Variants in WARS1 observed in about 807,000 individuals in gnomAD.
The protein encoded by WARS1 is tryptophan--tRNA ligase, cytoplasmic.
WARS1 carries 17 observed loss-of-function variants against 47.8 expected under a neutral mutation model. The ratio of observed to expected loss-of-function variants is 0.36; its 90% CI spans 0.24 to 0.53. The LOEUF is 0.53. WARS1 is among the 20% of genes least tolerant of loss of function. The pLI, the probability that WARS1 is intolerant of heterozygous loss-of-function variation, is 0.91. For synonymous variants in WARS1, 208 were observed against 228.1 expected, an observed-to-expected ratio of 0.91 and a Z score of 0.79; for missense variants, 434 against 608.0, an observed-to-expected ratio of 0.71 and a Z score of 3.01.
chr14:100,342,564 T>C lies in WARS1; in HGVS notation c.947A>G (p.Tyr316Cys). The C allele has an allele frequency of 6.2e-7, 1 of 1,610,582 alleles. No homozygotes were observed. The highest frequency in any genetic ancestry group is 8.5e-7 in the Non-Finnish European group (1 of 1,178,490). Residue 316 changes from tyrosine to cysteine, a missense_variant, in exon 9 of 11, where the codon TAC becomes TGC. This residue lies in a region of WARS1 where 347 missense variants were observed against 523.8 expected (regional missense o/e 0.66). Coordinates refer to ENST00000392882, the MANE Select transcript of WARS1 (RefSeq NM_004184.4). ...LIPCAIDQDP[Y>C]FRMTRDVAPR... ...GGCGACGTCCCTTGTCATTCTAAAG[T>C]AAGGATCCTGTGGGGAGAGTAAGGA... is the stretch of plus-strand genomic sequence containing the variant.
chr14:100,338,182 C>T (rs1263261290), intron 9 of WARS1, among the ~76,000 whole-genome samples: 4 of 152,106 alleles, frequency 2.6e-5, no homozygotes, highest in Non-Finnish European at 5.9e-5. Context: ...AAGATAATCA[C>T]GGGGTAATTA....
intron 6 of WARS1, among the ~76,000 whole-genome samples, chr14:100,347,868 C>T (rs1023410065): frequency 3.3e-5 from 5 of 152,190 alleles, no homozygotes; most frequent in Non-Finnish European, 7.3e-5. Flanking sequence ...TGAGCCACCG[C>T]GCCCAGCCAA....
At chr14:100,347,592 T>A (rs1444356456) in intron 6 of WARS1, among the ~76,000 whole-genome samples, 1 of 152,068 alleles carries the variant, frequency 6.6e-6, no homozygotes, top group Non-Finnish European at 1.5e-5. Flanking sequence ...TTTTTTTTGT[T>A]TTGAGACAGA....
chr14:100,372,004 T>C (rs746169937), intron 1 of WARS1, among the ~76,000 whole-genome samples: 1 of 152,186 alleles, frequency 6.6e-6, no homozygotes, highest in Non-Finnish European at 1.5e-5. Flanking sequence ...GACATTCCCT[T>C]GTGAAATTCC....
At chr14:100,347,479 G>T (rs1032483660) in intron 6 of WARS1, among the ~76,000 whole-genome samples, 5 of 152,234 alleles carry the variant, frequency 3.3e-5, no homozygotes, top group Non-Finnish European at 7.3e-5. Context: ...GTGGGTACCA[G>T]GCCTGAATGT....
chr14:100,357,207 C>T (rs1162146754), intron 4 of WARS1, among the ~76,000 whole-genome samples: 3 of 152,018 alleles, frequency 2.0e-5, no homozygotes, highest in Non-Finnish European at 4.4e-5. Context: ...AAGTTTTTCC[C>T]CTAAGATCAG....
intron 4 of WARS1, 59 bp downstream of exon 4, chr14:100,360,495 A>AT (rs1895594329): frequency 5.7e-6 from 8 of 1,402,338 alleles, no homozygotes; most frequent in African/African-American, 1.4e-5. Context: ...GTGTCTTACG[A>AT]TTTTTTTGAA....
At position 100,334,762 on chromosome 14, in the gene WARS1, C is replaced by T; in HGVS notation, c.*113G>A. On this transcript the variant is annotated 3_prime_UTR_variant, in exon 11 of 11. Transcript: ENST00000392882. ...CATACACAGGCTTACAGAGGCCAGG[C>T]CCAGTAATTACCATGAGACAGAAGC... is the stretch of plus-strand genomic sequence containing the variant. 1 of 1,288,548 alleles carries T rather than the reference C, an allele frequency of 7.8e-7. No homozygotes were observed. Among genetic ancestry groups the T allele is most frequent in the Non-Finnish European group, 1.1e-6 (1 of 923,250 alleles). The allele number at this position is 1,288,548 out of a possible 1,614,324, so 79.8% of individuals were successfully genotyped here.
At chr14:100,363,547 A>C (rs1895779097) in intron 2 of WARS1, among the ~76,000 whole-genome samples, 1 of 152,066 alleles carries the variant, frequency 6.6e-6, no homozygotes, top group South Asian at 2.1e-4. Flanking sequence ...AATAGAAAAA[A>C]TTAGCCAGGT....
chr14:100,341,303 G>A (rs1260112312), intron 9 of WARS1, among the ~76,000 whole-genome samples: 1 of 152,186 alleles, frequency 6.6e-6, no homozygotes, highest in Admixed American at 6.5e-5. Context: ...TCTGCACCCT[G>A]TGCTCCGGAA....
intron 6 of WARS1, 99 bp from the exon 7 acceptor site, chr14:100,346,945 G>T: frequency 9.7e-7 from 1 of 1,034,942 alleles, no homozygotes; most frequent in Non-Finnish European, 1.5e-6. Context: ...TAGTGGCATG[G>T]GCCAGACTCG....
At chr14:100,360,468 G>A in intron 4 of WARS1, 86 bp downstream of exon 4, 2 of 1,019,436 alleles carry the variant, frequency 2.0e-6, no homozygotes, top group Admixed American at 4.2e-5. Context: ...CACAGTACCA[G>A]GTGGCTTATG....
rs1304388974 is a variant in WARS1, at chr14:100,353,881, CAG to C, written c.543-14_543-13del. Reference sequence around the variant, plus strand: ...CATCCTGGAGCCACCTAAAGAAACACAGGGGGAGAAAGCTGACGTCTCATCTC... The same window carrying C: ...CATCCTGGAGCCACCTAAAGAAACACGGGGAGAAAGCTGACGTCTCATCTC... On this transcript the variant is annotated splice_polypyrimidine_tract_variant and intron_variant, in intron 5 of 10. Transcript: ENST00000392882. 5 of 1,610,834 alleles carry C rather than the reference CAG, an allele frequency of 3.1e-6. No individual in the cohort carries two copies. The highest frequency in any genetic ancestry group is 3.5e-4 in the Middle Eastern group (2 of 5,652).
At position 100,373,360 on chromosome 14, in the gene WARS1, C is replaced by A. The variant is rs1483767372; in HGVS notation, c.-74+1923G>T. On this transcript the variant is annotated intron_variant, in intron 1 of 10. Coordinates refer to ENST00000392882, the MANE Select transcript of WARS1 (RefSeq NM_004184.4). This position sits in a 1 kb window ranked among gnomAD's most constrained non-coding sequence, Gnocchi z 4.4. The stretch of plus-strand genomic sequence containing the variant: ...AGCCAGGCTGGTCTCTTGGGGTCTC[C>A]TCCAGGTCTCCCAACCTTAGTCTGT... Among the ~76,000 whole-genome samples the A allele has an allele frequency of 1.3e-5, 2 of 152,164 alleles. No homozygotes were observed. The highest frequency in any genetic ancestry group is 2.9e-5 in the Non-Finnish European group (2 of 68,038).
In WARS1 at chr14:100,359,481, G is replaced by A. The variant is rs916559220; in HGVS notation, c.422+1073C>T. Among the ~76,000 whole-genome samples the A allele has an allele frequency of 1.3e-5, 2 of 152,182 alleles. 1 individual carries two copies. Among genetic ancestry groups the A allele is most frequent in the Admixed American group, 1.3e-4 (2 of 15,286 alleles). On this transcript the variant is annotated intron_variant, in intron 4 of 10. Coordinates refer to ENST00000392882, the MANE Select transcript of WARS1 (RefSeq NM_004184.4). ...CCTAAATCTAGATATAGAGAAAGCAGACTAATGGTTGCCAGTGGGGAGGGA... is the reference window on the plus strand; with the variant it reads ...CCTAAATCTAGATATAGAGAAAGCAAACTAATGGTTGCCAGTGGGGAGGGA...
chr14:100,366,128 G>C (rs971458291), intron 2 of WARS1: 3 of 455,898 alleles, frequency 6.6e-6, no homozygotes. Flanking sequence ...ACTGGGGGCA[G>C]TCTGCACAGT....
At chr14:100,351,719 C>T (rs7141631) in intron 6 of WARS1, among the ~76,000 whole-genome samples, 1 of 152,026 alleles carries the variant, frequency 6.6e-6, no homozygotes, top group Non-Finnish European at 1.5e-5. Context: ...AGGTGCTGGG[C>T]GTGGTGGCTC....
chr14:100,347,219 C>T (rs558641468), intron 6 of WARS1, among the ~76,000 whole-genome samples: 1 of 152,312 alleles, frequency 6.6e-6, no homozygotes, highest in East Asian at 1.9e-4. Context: ...AGTCTGGGAG[C>T]CCCCAGGAGC....
intron 1 of WARS1, chr14:100,370,570 C>G (rs1221781869): frequency 2.0e-5 from 3 of 152,190 alleles, no homozygotes; most frequent in African/African-American, 4.8e-5. Context: ...GAGCTGCTAA[C>G]TTTGAACACC....
Sources: gnomAD v4.1 joint callset for allele counts (sites outside exome capture counted in the v4.1 genomes callset) on GRCh38, gnomAD v4.1.1 for gene constraint, gnomAD v4.1.1 regional missense constraint, Gnocchi (gnomAD v3.1) non-coding constraint, MANE v1.5 for transcripts, NCBI Gene and HGNC (gene_info 2026-07-23, HGNC 2026-07-21) for gene names.